ESRRB: variants seen among roughly 807,000 people sequenced by gnomAD.
ESRRB encodes the protein steroid hormone receptor ERR2.
ESRRB carries 16 observed loss-of-function variants against 46.0 expected under a neutral mutation model. The ratio of observed to expected loss-of-function variants is 0.35; its 90% CI spans 0.24 to 0.53. The LOEUF (loss-of-function observed/expected upper bound fraction) is 0.53, where lower values mean the gene tolerates loss of function less well. Among genes scored for constraint, ESRRB ranks in the 20% least tolerant of loss-of-function variants. The pLI is 0.93. For missense variants in ESRRB, 488 were observed against 607.4 expected (o/e 0.80, Z 2.07); for synonymous variants, 246 against 259.6 (o/e 0.95, Z 0.50).
At chr14:76,476,153 G>A (rs1022815818) in intron 3 of ESRRB, among the ~76,000 whole-genome samples, 10 of 151,762 alleles carry the variant, frequency 6.6e-5, no homozygotes, top group African/African-American at 2.2e-4. Context: ...CTCAACTCAA[G>A]ATCTCCGTCT....
At chr14:76,474,357 G>A (rs1889490188) in intron 3 of ESRRB, among the ~76,000 whole-genome samples, 1 of 152,190 alleles carries the variant, frequency 6.6e-6, no homozygotes, top group Non-Finnish European at 1.5e-5. Flanking sequence ...CCACTAACCT[G>A]AGAAAGGATA....
intron 3 of ESRRB, among the ~76,000 whole-genome samples, chr14:76,464,963 A>G (rs1889043911): frequency 6.6e-6 from 1 of 152,014 alleles, no homozygotes; most frequent in Non-Finnish European, 1.5e-5. Context: ...AGCCCAAGAG[A>G]CAGAGCTGCT....
intron 1 of ESRRB, among the ~76,000 whole-genome samples, chr14:76,358,315 AAAAAAAAAAAAGAAAGAAAGAAAGAAAG>A: frequency 1.2e-5 from 1 of 82,696 alleles, no homozygotes; most frequent in Non-Finnish European, 2.6e-5. Context: ...CTGTCTCAAA[AAAAAAAAAAAAGAAAGAAAGAAAGAAAG>A]AAAGAAAGAA....
chr14:76,494,793 G>T (rs1466024325), intron 6 of ESRRB, among the ~76,000 whole-genome samples: 2 of 152,182 alleles, frequency 1.3e-5, no homozygotes, highest in African/African-American at 4.8e-5. Context: ...TTAAAGCAGA[G>T]GAAGCCAGGT....
In ESRRB at chr14:76,387,062, A is replaced by G. The variant is rs976244575; in HGVS notation, c.50+10611A>G. ...AGCAGCTCTCCCTACCTCCCCACACAAGGACAGGAGGCTGACCCTTGTGAG... is the reference window on the plus strand; with the variant it reads ...AGCAGCTCTCCCTACCTCCCCACACGAGGACAGGAGGCTGACCCTTGTGAG... On this transcript the variant is annotated intron_variant, in intron 1 of 6. Transcript: ENST00000644823. 3.3e-5 allele frequency among the ~76,000 whole-genome samples: 5 copies of G among 152,022 alleles called. No homozygotes were observed. In the East Asian group the frequency reaches 9.7e-4, roughly 29 times the overall value.
At chr14:76,314,675 C>T (rs1314392956) in intron 1 of ESRRB, among the ~76,000 whole-genome samples, 4 of 152,130 alleles carry the variant, frequency 2.6e-5, no homozygotes, top group African/African-American at 9.7e-5. Flanking sequence ...GCTCACTGTT[C>T]CCAGGTAAAG....
intron 1 of ESRRB, among the ~76,000 whole-genome samples, chr14:76,350,256 T>C (rs2139760179): frequency 6.6e-6 from 1 of 152,288 alleles, no homozygotes; most frequent in Non-Finnish European, 1.5e-5. Context: ...ATGTCCGCCC[T>C]CAAGCCAGCC....
chr14:76,429,922 C>T (rs1566893646), intron 1 of ESRRB, among the ~76,000 whole-genome samples: 2 of 151,852 alleles, frequency 1.3e-5, no homozygotes, highest in African/African-American at 2.4e-5. Flanking sequence ...ATCGCTGGTT[C>T]GTAACACTTA....
intron 1 of ESRRB, among the ~76,000 whole-genome samples, chr14:76,353,237 G>A (rs1033432000): frequency 5.3e-5 from 8 of 152,340 alleles, no homozygotes; most frequent in African/African-American, 1.9e-4. Flanking sequence ...TTGCCCTCCT[G>A]GTTCTAACCT....
intron 1 of ESRRB, among the ~76,000 whole-genome samples, chr14:76,393,680 A>G (rs1388281628): frequency 1.3e-5 from 2 of 152,196 alleles, no homozygotes; most frequent in African/African-American, 2.4e-5. Flanking sequence ...GCAGGTGCCC[A>G]TGTCCAGCAG....
At chr14:76,367,162 G>C (rs1399728969), upstream of ESRRB, among the ~76,000 whole-genome samples, 1 of 152,084 alleles carries the variant, frequency 6.6e-6, no homozygotes, top group Non-Finnish European at 1.5e-5. Flanking sequence ...GAGATGCCAG[G>C]CAGTGAGACA....
At position 76,501,081 on chromosome 14, in the gene ESRRB, TTTAGG is replaced by T. The variant is rs1420611484; in HGVS notation, c.*2624_*2628del. 4 of 328,226 alleles carry T rather than the reference TTTAGG, an allele frequency of 1.2e-5. No homozygotes were observed. Among genetic ancestry groups the T allele is most frequent in the African/African-American group, 8.4e-5 (4 of 47,608 alleles). The allele number at this position is 328,226 out of a possible 1,614,324, so 20.3% of individuals were successfully genotyped here. On this transcript the variant is annotated 3_prime_UTR_variant, in exon 7 of 7. Coordinates refer to ENST00000644823, the MANE Select transcript of ESRRB (RefSeq NM_001379180.1). ...GTGGAAGGTGGTGAAGTGAGGAGAG[TTTAGG>T]GGAACCTTCCCCCAGTGGAACAGAT...
At position 76,320,899 on chromosome 14, in the gene ESRRB, T is replaced by C. The variant is rs138576020; in HGVS notation, c.2+9983T>C. The stretch of plus-strand genomic sequence containing the variant: ...TTCTCTCCATGCCCATTCTACTGCC[T>C]GTTTCTGGCTTTTCCCCTCTCTCCA... On this transcript the variant is annotated intron_variant, in intron 1 of 6. Coordinates refer to the ESRRB transcript ENST00000512784. 4.4e-3 allele frequency among the ~76,000 whole-genome samples: 668 copies of C among 152,322 alleles called. 5 individuals are homozygous for C. The highest frequency in any genetic ancestry group is 0.015 in the African/African-American group (629 of 41,574).
chr14:76,369,566 G>A (rs758524463), upstream of ESRRB, among the ~76,000 whole-genome samples: 17 of 152,084 alleles, frequency 1.1e-4, no homozygotes, highest in Non-Finnish European at 2.1e-4. Context: ...GAGCCACCAC[G>A]CCCGGCCTCG....
intron 5 of ESRRB, among the ~76,000 whole-genome samples, chr14:76,483,585 C>T (rs1205475391): frequency 6.6e-6 from 1 of 152,202 alleles, no homozygotes; most frequent in African/African-American, 2.4e-5. Flanking sequence ...TTTTTGTAGA[C>T]ACCAACACCC....
upstream of ESRRB, among the ~76,000 whole-genome samples, chr14:76,367,543 GGC>G (rs200555662): frequency 0.19 from 29,166 of 149,674 alleles, 3,577 homozygotes; most frequent in Non-Finnish European, 0.28. Context: ...GGTGACAGGG[GGC>G]GATCCTGTCT....
intron 1 of ESRRB, among the ~76,000 whole-genome samples, chr14:76,384,088 C>G (rs1388931959): frequency 6.6e-6 from 1 of 152,050 alleles, no homozygotes; most frequent in East Asian, 1.9e-4. Context: ...TCTTCCTAAT[C>G]GATCAGCAGA....
intron 1 of ESRRB, among the ~76,000 whole-genome samples, chr14:76,381,768 CA>C (rs1359278891): frequency 6.6e-6 from 1 of 152,102 alleles, no homozygotes; most frequent in Non-Finnish European, 1.5e-5. Context: ...GCAGGTGTTC[CA>C]CAGAGCTGGA....
At chr14:76,450,575 G>A (rs377762992) in intron 2 of ESRRB, among the ~76,000 whole-genome samples, 1 of 149,946 alleles carries the variant, frequency 6.7e-6, no homozygotes, top group South Asian at 2.1e-4. Flanking sequence ...AAGTAAGAAA[G>A]AGGCCTGGCA....
Sources: allele counts gnomAD v4.1 joint callset (sites outside exome capture counted in the v4.1 genomes callset), GRCh38; gene constraint gnomAD v4.1.1; transcripts MANE v1.5; gene names NCBI Gene and HGNC (gene_info 2026-07-23, HGNC 2026-07-21).